The following ZNG1B variants were observed in gnomAD, a reference collection of about 807,000 sequenced individuals.
ZNG1B encodes the protein Zn regulated GTPase metalloprotein activator 1B, also known as zinc-regulated GTPase metalloprotein activator 1B.
At chr2:113,492,271 A>T in the ZNG1B span, among the ~76,000 whole-genome samples, 337 of 140,180 alleles carry the variant, frequency 2.4e-3, 52 homozygotes, top group African/African-American at 8.2e-3. Flanking sequence ...GGATAAAGTA[A>T]CTGTGATATA....
chr2:113,476,540 C>T, the ZNG1B span, among the ~76,000 whole-genome samples: 192 of 148,814 alleles, frequency 1.3e-3, 2 homozygotes, highest in African/African-American at 4.7e-3. Context: ...TGAGGAGCTG[C>T]GTTCCTTCGG....
At chr2:113,481,952 T>C in the ZNG1B span, 1 of 623,752 alleles carries the variant, frequency 1.6e-6, no homozygotes, top group East Asian at 2.8e-5. Flanking sequence ...ATTCTGTGCA[T>C]ATGTATATAT....
the ZNG1B span, among the ~76,000 whole-genome samples, chr2:113,484,481 A>G: frequency 2.6e-5 from 4 of 152,098 alleles, no homozygotes; most frequent in South Asian, 2.1e-4. Context: ...CATTTTCTCA[A>G]ATATTGAGTT....
the ZNG1B span, among the ~76,000 whole-genome samples, chr2:113,493,141 C>T: frequency 1.5e-5 from 2 of 132,044 alleles, 1 homozygote; most frequent in Non-Finnish European, 3.2e-5. Context: ...GGGCATTATC[C>T]TATCATTCTC....
At chr2:113,451,016 A>G in the ZNG1B span, among the ~76,000 whole-genome samples, 1 of 151,982 alleles carries the variant, frequency 6.6e-6, no homozygotes, top group Admixed American at 6.6e-5. Context: ...TGGGGACATC[A>G]TTCGACCTCA....
At chr2:113,465,083 AT>A in the ZNG1B span, 3 of 490,976 alleles carry the variant, frequency 6.1e-6, no homozygotes, top group Non-Finnish European at 1.1e-5. Context: ...TAAAAAGTTA[AT>A]TTTTACTTTT....
At chr2:113,437,718 C>T in the ZNG1B span, 3 of 1,521,252 alleles carry the variant, frequency 2.0e-6, no homozygotes, top group Non-Finnish European at 2.7e-6. Flanking sequence ...TCGTCCAGAG[C>T]CCAGGTAATC....
the ZNG1B span, among the ~76,000 whole-genome samples, chr2:113,475,065 AT>A: frequency 6.8e-6 from 1 of 147,430 alleles, no homozygotes; most frequent in South Asian, 2.3e-4. Context: ...TGTCTCATTG[AT>A]CTGTCTAATG....
At chr2:113,438,780 CT>C in the ZNG1B span, among the ~76,000 whole-genome samples, 1 of 152,044 alleles carries the variant, frequency 6.6e-6, no homozygotes, top group East Asian at 1.9e-4. Context: ...AAATATATGA[CT>C]GTATTAGAAG....
At chr2:113,495,321 C>A in the ZNG1B span, 1 of 1,493,320 alleles carries the variant, frequency 6.7e-7, no homozygotes, top group African/African-American at 1.8e-5. Context: ...ATGTGCCACT[C>A]AAACAGATTA....
the ZNG1B span, among the ~76,000 whole-genome samples, chr2:113,473,966 T>C: frequency 3.3e-5 from 5 of 149,512 alleles, no homozygotes; most frequent in South Asian, 2.1e-4. Flanking sequence ...GTTGTGTCTC[T>C]GCCCGGCTTT....
the ZNG1B span, chr2:113,437,924 G>T: frequency 5.0e-6 from 8 of 1,611,926 alleles, no homozygotes; most frequent in African/African-American, 1.1e-4. Context: ...GAGGAGGATT[G>T]TCCTGAATTG....
the ZNG1B span, among the ~76,000 whole-genome samples, chr2:113,474,061 C>T: frequency 2.6e-5 from 4 of 151,544 alleles, no homozygotes; most frequent in African/African-American, 7.3e-5. Context: ...CAGAAGGAAT[C>T]GTACCAGTTC....
the ZNG1B span, chr2:113,493,715 A>C: frequency 7.7e-7 from 1 of 1,291,818 alleles, no homozygotes; most frequent in Non-Finnish European, 1.0e-6. Context: ...AAAAACATTG[A>C]TATTACTATA....
chr2:113,461,149 C>T, the ZNG1B span, among the ~76,000 whole-genome samples: 2 of 150,718 alleles, frequency 1.3e-5, no homozygotes, highest in South Asian at 2.1e-4. Flanking sequence ...CAGGTTCAAG[C>T]GATTCTCCTG....
the ZNG1B span, chr2:113,441,319 A>AT: frequency 7.9e-7 from 1 of 1,263,832 alleles, no homozygotes; most frequent in Non-Finnish European, 1.1e-6. Flanking sequence ...ATTATTTTGA[A>AT]TTTTTTTATT....
the ZNG1B span, among the ~76,000 whole-genome samples, chr2:113,483,282 T>G: frequency 4.0e-5 from 6 of 151,118 alleles, no homozygotes; most frequent in Non-Finnish European, 1.5e-5. Flanking sequence ...AGTGTCTCCA[T>G]CCATAGAGCC....
chr2:113,457,556 AC>A, the ZNG1B span, among the ~76,000 whole-genome samples: 1 of 147,458 alleles, frequency 6.8e-6, no homozygotes, highest in Non-Finnish European at 1.5e-5. Flanking sequence ...AGAAAAGGAC[AC>A]CCTATAGCCC....
chr2:113,439,633 A>G, the ZNG1B span, among the ~76,000 whole-genome samples: 1 of 152,194 alleles, frequency 6.6e-6, no homozygotes, highest in African/African-American at 2.4e-5. Context: ...GACCTGTAGC[A>G]TCTGGATCTT....
Sources: allele counts gnomAD v4.1 joint callset (sites outside exome capture counted in the v4.1 genomes callset), GRCh38; gene constraint gnomAD v4.1.1; transcripts MANE v1.5; gene names NCBI Gene and HGNC (gene_info 2026-07-23, HGNC 2026-07-21).